Variants in ACVR1 observed in about 807,000 individuals in gnomAD.
ACVR1 encodes activin receptor type-1.
In ACVR1, 38 loss-of-function variants were observed where a neutral mutation model predicts 57.1. The observed-to-expected ratio is 0.67, with a 90% CI of 0.51 to 0.87. The LOEUF (loss-of-function observed/expected upper bound fraction) is 0.87. ACVR1 is among the 40% of genes least tolerant of loss of function. The probability of loss-of-function intolerance (pLI) is 0.00; values close to 1 mark genes in which losing one functional copy is unlikely to be tolerated. For missense variants in ACVR1, 463 were observed against 638.2 expected, an observed-to-expected ratio of 0.73 and a Z score of 2.96; for synonymous variants, 212 against 228.1, an observed-to-expected ratio of 0.93 and a Z score of 0.63.
chr2:157,868,922 A>G (rs1690027855), intron 1 of ACVR1, among the ~76,000 whole-genome samples: 1 of 152,210 alleles, frequency 6.6e-6, no homozygotes, highest in Non-Finnish European at 1.5e-5. Context: ...TGATAAGGAC[A>G]ATGACAACAA....
chr2:157,784,699 T>C (rs1686650441), intron 3 of ACVR1, among the ~76,000 whole-genome samples: 1 of 152,164 alleles, frequency 6.6e-6, no homozygotes, highest in African/African-American at 2.4e-5. Flanking sequence ...CCAGGGAGAA[T>C]ACGGGGCTGG....
intron 3 of ACVR1, among the ~76,000 whole-genome samples, chr2:157,794,646 A>G (rs935974846): frequency 1.3e-5 from 2 of 152,222 alleles, no homozygotes; most frequent in Non-Finnish European, 2.9e-5. Flanking sequence ...CCAAAAGCAC[A>G]TCCAAAAACA....
intron 1 of ACVR1, among the ~76,000 whole-genome samples, chr2:157,847,048 T>C (rs924895463): frequency 2.0e-5 from 3 of 151,930 alleles, no homozygotes; most frequent in Non-Finnish European, 4.4e-5. Flanking sequence ...CCAGAAGAAA[T>C]AAGCTAAAAC....
intron 2 of ACVR1, among the ~76,000 whole-genome samples, chr2:157,803,869 ATAT>A (rs995332132): frequency 3.5e-4 from 53 of 152,102 alleles, no homozygotes; most frequent in African/African-American, 1.2e-3. Context: ...AATTTTTAAA[ATAT>A]TATATTCATA....
chr2:157,749,257 C>A (rs36041322), intron 9 of ACVR1, among the ~76,000 whole-genome samples: 1 of 152,016 alleles, frequency 6.6e-6, no homozygotes, highest in African/African-American at 2.4e-5. Flanking sequence ...ATATTTGTGG[C>A]TGATTTGGGT....
At chr2:157,869,759 A>G (rs1574170486) in intron 1 of ACVR1, among the ~76,000 whole-genome samples, 1 of 152,218 alleles carries the variant, frequency 6.6e-6, no homozygotes, top group Non-Finnish European at 1.5e-5. Context: ...ATTGTTCACA[A>G]CAACTTGGGT....
intron 2 of ACVR1, among the ~76,000 whole-genome samples, chr2:157,816,309 C>A (rs1051226775): frequency 6.6e-6 from 1 of 150,970 alleles, no homozygotes; most frequent in African/African-American, 2.4e-5. Flanking sequence ...ATGAAATAAT[C>A]AAAATTAACT....
chr2:157,816,461 G>C (rs1411154379), intron 2 of ACVR1, among the ~76,000 whole-genome samples: 2 of 151,692 alleles, frequency 1.3e-5, no homozygotes, highest in African/African-American at 4.9e-5. Flanking sequence ...GCCAGGCGTG[G>C]TTGTGTACAT....
chr2:157,828,031 G>A (rs1688450420), intron 1 of ACVR1, among the ~76,000 whole-genome samples: 2 of 152,166 alleles, frequency 1.3e-5, no homozygotes, highest in Admixed American at 6.5e-5. Context: ...AATTAAAGGT[G>A]CTGTTTTTGG....
Position 157,737,641 on chromosome 2 carries a change from T to C in ACVR1, c.1420A>G (p.Met474Val). ...DPTLTSLAKL[M>V]KECWYQNPSA... ...GGATTTTGATACCAGCATTCTTTCA[T>C]TAGCTTGGCCAGAGAGGTTAATGTC... Residue 474 changes from methionine (M) to valine (V), a missense_variant, in exon 11 of 11, where the codon ATG (methionine) becomes GTG (valine). Met to Val is a conservative substitution (Grantham distance 21). Transcript: ENST00000434821. 6.2e-7 allele frequency: 1 copy of C among 1,614,136 alleles called. No individual in the cohort carries two copies. The highest frequency in any genetic ancestry group is 8.5e-7 in the Non-Finnish European group (1 of 1,179,982).
At chr2:157,862,209 T>C (rs1028205861) in intron 1 of ACVR1, among the ~76,000 whole-genome samples, 6 of 152,146 alleles carry the variant, frequency 3.9e-5, no homozygotes, top group Non-Finnish European at 7.3e-5. Flanking sequence ...ACTACAAATA[T>C]GAAAGTGTAC....
At chr2:157,762,902 G>A (rs1309228891) in intron 8 of ACVR1, among the ~76,000 whole-genome samples, 1 of 152,160 alleles carries the variant, frequency 6.6e-6, no homozygotes, top group African/African-American at 2.4e-5. Flanking sequence ...CTCTGGTTGA[G>A]CGTTCAGATG....
chr2:157,875,123 G>C lies in ACVR1; in HGVS notation c.-183+673C>G, dbSNP rs1379620426. ...GCCCACATCTCTTCTTAGTGCGCCC[G>C]AGGTTCTAGCCTCACTGTTTTGGTT... is the stretch of plus-strand genomic sequence containing the variant. On this transcript the variant is annotated intron_variant, in intron 1 of 10. Transcript: ENST00000434821. 6.6e-6 allele frequency: 1 copy of C among 152,214 alleles called. No homozygotes were observed. The highest frequency in any genetic ancestry group is 1.5e-5 in the Non-Finnish European group (1 of 68,070). The allele number at this position is 152,214 out of a possible 1,614,324, so 9.4% of individuals were successfully genotyped here. A position where few individuals can be genotyped will look rare whatever the true frequency, so the allele number is the denominator to read the frequency against.
Position 157,736,665 on chromosome 2 carries a change from T to C in ACVR1, c.*866A>G. 1 of 322,344 alleles carries C rather than the reference T, an allele frequency of 3.1e-6. No homozygotes were observed. Among genetic ancestry groups the C allele is most frequent in the Non-Finnish European group, 5.7e-6 (1 of 174,870 alleles). 20.0% of individuals were successfully genotyped at this position (322,344 alleles called of 1,614,324 possible). ...TCGGTGGTGTCACGTGGGTAATGGCTAAATACGTTCTGCATATGAACTGAA... is the reference window on the plus strand; with the variant it reads ...TCGGTGGTGTCACGTGGGTAATGGCCAAATACGTTCTGCATATGAACTGAA... On this transcript the variant is annotated 3_prime_UTR_variant, in exon 11 of 11. Coordinates refer to ENST00000434821, the MANE Select transcript of ACVR1 (RefSeq NM_001111067.4).
chr2:157,780,703 A>T, intron 3 of ACVR1, 103 bp from the exon 4 acceptor site: 4 of 1,400,450 alleles, frequency 2.9e-6, no homozygotes, highest in Non-Finnish European at 3.9e-6. Flanking sequence ...CTCTATCAAC[A>T]GAAAGTCAAG....
chr2:157,741,643 G>GA (rs954060409), intron 9 of ACVR1, among the ~76,000 whole-genome samples: 2 of 149,930 alleles, frequency 1.3e-5, no homozygotes, highest in Non-Finnish European at 3.0e-5. Flanking sequence ...AAAAAAAAAA[G>GA]AAAAAAGAAA....
intron 2 of ACVR1, among the ~76,000 whole-genome samples, chr2:157,815,396 A>C (rs2105325603): frequency 6.6e-6 from 1 of 152,288 alleles, no homozygotes. Context: ...GTATACATTA[A>C]TTACATTACC....
chr2:157,740,572 T>C (rs1190292433), intron 9 of ACVR1, among the ~76,000 whole-genome samples: 1 of 152,248 alleles, frequency 6.6e-6, no homozygotes, highest in Non-Finnish European at 1.5e-5. Context: ...CCTGGCTTAA[T>C]ATTTAAAAAT....
At chr2:157,847,771 C>A (rs1324262812) in intron 1 of ACVR1, among the ~76,000 whole-genome samples, 1 of 152,052 alleles carries the variant, frequency 6.6e-6, no homozygotes, top group East Asian at 1.9e-4. Context: ...CTGATTTTAG[C>A]CAGAGGATGA....
Sources: gnomAD v4.1 joint callset for allele counts (sites outside exome capture counted in the v4.1 genomes callset) on GRCh38, gnomAD v4.1.1 for gene constraint, MANE v1.5 for transcripts, NCBI Gene and HGNC (gene_info 2026-07-23, HGNC 2026-07-21) for gene names.